Variants in KIF13A observed in about 807,000 individuals in gnomAD.
KIF13A encodes the protein kinesin-like protein KIF13A.
KIF13A carries 79 observed loss-of-function variants against 212.2 expected under a neutral mutation model. That is an observed-to-expected ratio of 0.37 (90% CI 0.31 to 0.45). KIF13A has a LOEUF of 0.45. KIF13A is among the 20% of genes least tolerant of loss of function. KIF13A has a pLI of 1.00. For synonymous variants in KIF13A, 789 were observed against 808.6 expected (o/e 0.98, Z 0.41); for missense variants, 1,901 against 2,209.0 (o/e 0.86, Z 2.79).
chr6:17,772,585 A>G lies in KIF13A; in HGVS notation c.4325-526T>C, dbSNP rs956805544. Among the ~76,000 whole-genome samples the G allele has an allele frequency of 6.6e-6, 1 of 152,220 alleles. No individual in the cohort carries two copies. Among genetic ancestry groups the G allele is most frequent in the African/African-American group, 2.4e-5 (1 of 41,474 alleles). On this transcript the variant is annotated intron_variant, in intron 36 of 38. Transcript: ENST00000259711. This position sits in a 1 kb window ranked among gnomAD's most constrained non-coding sequence, Gnocchi z 4.8. ...GATAGCAAATTTCTACACTCTTTTC[A>G]AGATCCAGCTTAAGCACCACTAACC...
At chr6:17,860,139 G>C (rs1768599111) in intron 4 of KIF13A, among the ~76,000 whole-genome samples, 1 of 151,994 alleles carries the variant, frequency 6.6e-6, no homozygotes, top group South Asian at 2.1e-4. Flanking sequence ...CTCACCTCTG[G>C]TCTCCAGGAT....
Position 17,982,427 on chromosome 6 carries a change from A to T in KIF13A, c.146+4627T>A, listed in dbSNP as rs1202402191. On this transcript the variant is annotated intron_variant, in intron 2 of 38. Transcript: ENST00000259711. This position sits in a 1 kb window ranked among gnomAD's most constrained non-coding sequence, Gnocchi z 5.1. ...GGATTTGGAGCATTTTAGATTTCAG[A>T]TGTTCAGACAGGGATACCGCTGGTG... 4.1e-6 allele frequency: 4 copies of T among 984,678 alleles called. No homozygotes were observed. In the African/African-American group the frequency reaches 7.0e-5, roughly 17 times the overall value. 61.0% of individuals were successfully genotyped at this position (984,678 alleles called of 1,614,324 possible). A position where few individuals can be genotyped will look rare whatever the true frequency, so the allele number is the denominator to read the frequency against.
At chr6:17,920,744 T>C (rs993860039) in intron 2 of KIF13A, among the ~76,000 whole-genome samples, 2 of 151,614 alleles carry the variant, frequency 1.3e-5, no homozygotes, top group African/African-American at 2.4e-5. Flanking sequence ...CCTGGGGGCG[T>C]GCACCTGTAA....
chr6:17,921,029 T>C (rs547031282), intron 2 of KIF13A, among the ~76,000 whole-genome samples: 1 of 152,182 alleles, frequency 6.6e-6, no homozygotes, highest in Admixed American at 6.6e-5. Context: ...TGAGGCCTAC[T>C]AGGCAAATGG....
rs1449617517 is a variant in KIF13A, at chr6:17,828,342, G to C, written c.1430C>G (p.Ser477Cys). ...KDHTRVGADT[S>C]QDIQLFGIGI... ...TATGCCAAAAAGCTGGATATCTTGA[G>C]AGGTATCTGCACCCACCCTGGTGTG... The change falls in exon 14 of 39, where the codon TCT becomes TGT. Residue 477 changes from serine to cysteine, a missense_variant. Around this residue, in one of 5 missense-constraint regions of KIF13A, gnomAD observed 506 missense variants for 637.4 expected, o/e 0.79. Transcript: ENST00000259711. This position sits in a 1 kb window ranked among gnomAD's most constrained non-coding sequence, Gnocchi z 4.3. The C allele has an allele frequency of 4.3e-6, 7 of 1,611,682 alleles. No homozygotes were observed. The highest frequency in any genetic ancestry group is 5.1e-6 in the Non-Finnish European group (6 of 1,178,950).
In KIF13A at chr6:17,787,821, G is replaced by A; in HGVS notation, c.3316C>T (p.Arg1106Ter). The A allele has an allele frequency of 1.9e-6, 3 of 1,613,282 alleles. No individual in the cohort carries two copies. The highest frequency in any genetic ancestry group is 1.7e-6 in the Non-Finnish European group (2 of 1,179,310). ...TTTATCTGTTCATCCAGGTATTCTC[G>A]TCGTTTAATGAGTGCATCTGACCAC... ...ERWSDALIKRREYLDEQIKKV... is the reference protein window; with the variant it reads ...ERWSDALIKR The change falls in exon 27 of 39, where the codon CGA becomes TGA. Residue 1106 changes from arginine to a stop codon, truncating the protein, a stop_gained. Transcript: ENST00000259711. LOFTEE classifies it high-confidence loss of function. The surrounding 1 kb of genome is among the most constrained non-coding windows in gnomAD (Gnocchi z 4.6).
At position 17,769,871 on chromosome 6, in the gene KIF13A, A is replaced by G. The variant is rs909007952; in HGVS notation, c.4581+1243T>C. 8.5e-5 allele frequency among the ~76,000 whole-genome samples: 13 copies of G among 152,172 alleles called. No homozygotes were observed. The highest frequency in any genetic ancestry group is 3.1e-4 in the African/African-American group (13 of 41,450). ...GATTTGGAGAGATGAAGGAGCAGCT[A>G]TTAATGTGCGGATTCTTCTCCATCA... On this transcript the variant is annotated intron_variant, in intron 38 of 38. Coordinates refer to ENST00000259711, the MANE Select transcript of KIF13A (RefSeq NM_022113.6). The surrounding 1 kb of genome is among the most constrained non-coding windows in gnomAD (Gnocchi z 5.8).
rs1480396643 is a variant in KIF13A, at chr6:17,915,876, C to A, written c.147-17696G>T. On this transcript the variant is annotated intron_variant, in intron 2 of 38. Transcript: ENST00000259711. The surrounding 1 kb of genome is among the most constrained non-coding windows in gnomAD (Gnocchi z 4.4). ...ACCCAAGAGGCTGAGGTGGTAGGAT[C>A]ATTGCAGTAAGCCAAGATGGCACCA... Among the ~76,000 whole-genome samples the A allele has an allele frequency of 6.6e-6, 1 of 150,562 alleles. No homozygotes were observed. Among genetic ancestry groups the A allele is most frequent in the Non-Finnish European group, 1.5e-5 (1 of 67,782 alleles).
intron 7 of KIF13A, among the ~76,000 whole-genome samples, chr6:17,851,060 T>C (rs974441592): frequency 6.6e-6 from 1 of 152,264 alleles, no homozygotes; most frequent in African/African-American, 2.4e-5. Context: ...CCCTGGCTCC[T>C]ACTAGTAAGT....
Position 17,794,319 on chromosome 6 carries a change from A to G in KIF13A, c.3152T>C (p.Ile1051Thr), listed in dbSNP as rs1336988363. 6.2e-7 allele frequency: 1 copy of G among 1,613,240 alleles called. No homozygotes were observed. Among genetic ancestry groups the G allele is most frequent in the Admixed American group, 1.7e-5 (1 of 59,992 alleles). ...SGTLPLMVEAILSVSIGCVTA... is the reference protein window; with the variant it reads ...SGTLPLMVEATLSVSIGCVTA... ...TACACAGCCGATGGATACTGACAGG[A>G]TGGCTTCAACCATAAGTGGCAGTGT... The change falls in exon 25 of 39, where the codon ATC (isoleucine) becomes ACC (threonine). Residue 1051 changes from isoleucine to threonine, a missense_variant. Ile to Thr is a moderately conservative substitution (Grantham distance 89). This residue lies in a region of KIF13A where 168 missense variants were observed against 250.9 expected (regional missense o/e 0.67). Transcript: ENST00000259711. The surrounding 1 kb of genome is among the most constrained non-coding windows in gnomAD (Gnocchi z 4.1).
intron 3 of KIF13A, among the ~76,000 whole-genome samples, chr6:17,876,266 G>C (rs192113180): frequency 5.9e-5 from 9 of 152,254 alleles, no homozygotes; most frequent in Admixed American, 3.9e-4. Context: ...TAAGCACTGA[G>C]CATACAGAAC....
Position 17,982,289 on chromosome 6 carries a change from G to A in KIF13A, c.146+4765C>T, listed in dbSNP as rs1411794426. ...TTTTGTATTTTTTTAGTGGAGACAG[G>A]GTTTCACCATGTTGGCCAGGCTGGT... On this transcript the variant is annotated intron_variant, in intron 2 of 38. Coordinates refer to ENST00000259711, the MANE Select transcript of KIF13A (RefSeq NM_022113.6). This position sits in a 1 kb window ranked among gnomAD's most constrained non-coding sequence, Gnocchi z 5.1. 9.7e-6 allele frequency: 2 copies of A among 206,266 alleles called. No homozygotes were observed. The highest frequency in any genetic ancestry group is 1.7e-5 in the Non-Finnish European group (2 of 117,824). The allele number at this position is 206,266 out of a possible 1,614,324, so 12.8% of individuals were successfully genotyped here.
chr6:17,948,812 C>T (rs528009289), intron 2 of KIF13A, among the ~76,000 whole-genome samples: 1 of 151,930 alleles, frequency 6.6e-6, no homozygotes, highest in Non-Finnish European at 1.5e-5. Flanking sequence ...ATGATCCACC[C>T]GTTTCGGCCC....
At chr6:17,974,946 T>C (rs1780173051) in intron 2 of KIF13A, among the ~76,000 whole-genome samples, 2 of 152,346 alleles carry the variant, frequency 1.3e-5, no homozygotes, top group East Asian at 3.9e-4. Flanking sequence ...ATAGCATATT[T>C]CCATCATCTC....
At chr6:17,956,372 A>G (rs1368778656) in intron 2 of KIF13A, among the ~76,000 whole-genome samples, 2 of 152,238 alleles carry the variant, frequency 1.3e-5, no homozygotes, top group Non-Finnish European at 2.9e-5. Context: ...TTCAAAGACC[A>G]TCAACCATGC....
intron 12 of KIF13A, among the ~76,000 whole-genome samples, chr6:17,832,491 G>T (rs1421689088): frequency 6.6e-6 from 1 of 151,592 alleles, no homozygotes; most frequent in Non-Finnish European, 1.5e-5. Context: ...TACAAAAATT[G>T]GCCAGTTGTG....
rs745777777 is a variant in KIF13A at position 17,888,816 on chromosome 6, C to T, written c.159+9352G>A. On this transcript the variant is annotated intron_variant, in intron 3 of 38. Transcript: ENST00000259711. The surrounding 1 kb of genome is among the most constrained non-coding windows in gnomAD (Gnocchi z 4.8). ...CTCCAGCCTGGGTGACAGAGTGAGA[C>T]CCTATCTCAAAAAAACAAAAAAGTA... Among the ~76,000 whole-genome samples the T allele has an allele frequency of 9.2e-5, 14 of 151,560 alleles. No homozygotes were observed. Among genetic ancestry groups the T allele is most frequent in the Non-Finnish European group, 1.9e-4 (13 of 67,936 alleles).
intron 2 of KIF13A, among the ~76,000 whole-genome samples, chr6:17,977,020 T>G (rs1780596035): frequency 6.8e-6 from 1 of 147,728 alleles, no homozygotes; most frequent in Non-Finnish European, 1.5e-5. Context: ...GAGAATGGCG[T>G]GAACCCGGGA....
At chr6:17,860,689 G>A (rs1174956224) in intron 4 of KIF13A, among the ~76,000 whole-genome samples, 1 of 150,374 alleles carries the variant, frequency 6.7e-6, no homozygotes, top group Non-Finnish European at 1.5e-5. Context: ...GAAGACTGTT[G>A]TACTCCAGCC....
Sources: allele counts gnomAD v4.1 joint callset (sites outside exome capture counted in the v4.1 genomes callset), GRCh38; gene constraint gnomAD v4.1.1; regional missense constraint gnomAD v4.1.1; non-coding constraint Gnocchi (gnomAD v3.1); transcripts MANE v1.5; gene names NCBI Gene and HGNC (gene_info 2026-07-23, HGNC 2026-07-21).